The following LOC128462377 variants were observed in gnomAD, a reference collection of about 807,000 sequenced individuals.
chr16:89,323,663 C>T, the LOC128462377 span: 38 of 316,744 alleles, frequency 1.2e-4, no homozygotes, highest in East Asian at 1.3e-3. Flanking sequence ...CTCCCGCACA[C>T]CGCCTGACAG....
chr16:89,398,107 C>T, the LOC128462377 span, among the ~76,000 whole-genome samples: 1 of 150,694 alleles, frequency 6.6e-6, no homozygotes, highest in South Asian at 2.1e-4. Flanking sequence ...AACCTCAGCG[C>T]TCTGGGAGGC....
At chr16:89,414,691 A>T in the LOC128462377 span, among the ~76,000 whole-genome samples, 1 of 152,208 alleles carries the variant, frequency 6.6e-6, no homozygotes, top group Non-Finnish European at 1.5e-5. Context: ...CAGTCAGCCC[A>T]TCACACAAGG....
the LOC128462377 span, among the ~76,000 whole-genome samples, chr16:89,394,629 C>CAAAA: frequency 1.4e-5 from 2 of 140,248 alleles, no homozygotes; most frequent in African/African-American, 5.3e-5. Flanking sequence ...ACTCTGTCTC[C>CAAAA]AAAAAAAAAA....
chr16:89,405,323 C>A, the LOC128462377 span, among the ~76,000 whole-genome samples: 3,970 of 152,216 alleles, frequency 0.026, 77 homozygotes, highest in Non-Finnish European at 0.04. Context: ...CTCCTCTAGT[C>A]ACATAGGTAA....
chr16:89,326,560 G>C, the LOC128462377 span, among the ~76,000 whole-genome samples: 4 of 152,088 alleles, frequency 2.6e-5, no homozygotes, highest in Non-Finnish European at 5.9e-5. Context: ...GGGCAATGTA[G>C]GGAAACCTCA....
the LOC128462377 span, among the ~76,000 whole-genome samples, chr16:89,386,759 A>T: frequency 3.9e-5 from 6 of 152,324 alleles, no homozygotes; most frequent in Non-Finnish European, 8.8e-5. Flanking sequence ...ATCAATCCAA[A>T]ATAGCACTGT....
the LOC128462377 span, among the ~76,000 whole-genome samples, chr16:89,390,816 G>A: frequency 2.8e-4 from 43 of 152,304 alleles, 1 homozygote; most frequent in Admixed American, 2.6e-3. Context: ...GGAGCTCTGC[G>A]CTGCTCCCCA....
chr16:89,393,992 T>C, the LOC128462377 span, among the ~76,000 whole-genome samples: 6 of 152,100 alleles, frequency 3.9e-5, no homozygotes, highest in South Asian at 2.1e-4. Context: ...GTGCCAAACA[T>C]GAAAGTGGGT....
At chr16:89,373,279 A>C in the LOC128462377 span, 2 of 152,264 alleles carry the variant, frequency 1.3e-5, no homozygotes, top group Non-Finnish European at 2.9e-5. Flanking sequence ...TCCCCAGATA[A>C]GTGGTAAGGC....
At chr16:89,347,603 T>A in the LOC128462377 span, among the ~76,000 whole-genome samples, 10 of 107,074 alleles carry the variant, frequency 9.3e-5, no homozygotes, top group East Asian at 2.1e-3. Flanking sequence ...AGAGCGAGAC[T>A]CCGTAAAAAA....
chr16:89,405,000 G>C, the LOC128462377 span, among the ~76,000 whole-genome samples: 1 of 152,042 alleles, frequency 6.6e-6, no homozygotes, highest in Non-Finnish European at 1.5e-5. Flanking sequence ...CTTCCAAAAA[G>C]AAACATCTAA....
the LOC128462377 span, chr16:89,328,875 G>A: frequency 1.8e-4 from 21 of 114,822 alleles, no homozygotes; most frequent in East Asian, 5.6e-3. Context: ...GGCCCCTGCT[G>A]AGTGAGTGGA....
the LOC128462377 span, among the ~76,000 whole-genome samples, chr16:89,344,809 C>T: frequency 6.6e-5 from 10 of 152,294 alleles, no homozygotes; most frequent in African/African-American, 2.4e-4. Flanking sequence ...GCAGCAGCTC[C>T]CACCCAATAG....
the LOC128462377 span, among the ~76,000 whole-genome samples, chr16:89,349,437 G>A: frequency 9.4e-3 from 1,417 of 150,586 alleles, 18 homozygotes; most frequent in African/African-American, 0.032. Flanking sequence ...CTGAGATCGC[G>A]CCACTGCACT....
the LOC128462377 span, among the ~76,000 whole-genome samples, chr16:89,401,217 C>G: frequency 2.0e-5 from 3 of 151,794 alleles, no homozygotes; most frequent in African/African-American, 7.3e-5. Flanking sequence ...CCTCAGCCTT[C>G]CAAGACGGCC....
the LOC128462377 span, among the ~76,000 whole-genome samples, chr16:89,361,862 T>C: frequency 1.3e-5 from 2 of 152,112 alleles, no homozygotes; most frequent in Non-Finnish European, 2.9e-5. Context: ...ATCCGCACTC[T>C]AGATAAGACC....
chr16:89,417,102 T>C, the LOC128462377 span, among the ~76,000 whole-genome samples: 1 of 152,226 alleles, frequency 6.6e-6, no homozygotes, highest in Non-Finnish European at 1.5e-5. Context: ...TCAGATTCCC[T>C]TTCCTTCAAA....
the LOC128462377 span, among the ~76,000 whole-genome samples, chr16:89,359,198 T>C: frequency 6.6e-6 from 1 of 152,090 alleles, no homozygotes; most frequent in Non-Finnish European, 1.5e-5. Context: ...GGAAATGCGA[T>C]CTGTCCCACA....
chr16:89,393,841 T>C, the LOC128462377 span, among the ~76,000 whole-genome samples: 1 of 152,106 alleles, frequency 6.6e-6, no homozygotes, highest in Non-Finnish European at 1.5e-5. Context: ...AGGAGACATG[T>C]CAGACAGTGG....
Sources: gnomAD v4.1 joint callset for allele counts (sites outside exome capture counted in the v4.1 genomes callset) on GRCh38, gnomAD v4.1.1 for gene constraint, MANE v1.5 for transcripts.